ABHD17C: variants seen among roughly 807,000 people sequenced by gnomAD.
ABHD17C encodes the protein abhydrolase domain containing 17C, depalmitoylase.
A neutral mutation model predicts 27.9 loss-of-function variants in ABHD17C; 11 were observed. The ratio of observed to expected loss-of-function variants is 0.39; its 90% CI spans 0.25 to 0.65. The LOEUF is 0.65. Among genes scored for constraint, ABHD17C ranks in the 30% least tolerant of loss-of-function variants. The pLI is 0.45. For synonymous variants in ABHD17C, 233 were observed against 209.1 expected (o/e 1.11, Z -0.98); for missense variants, 280 against 470.2 (o/e 0.60, Z 3.74).
chr15:80,708,904 C>T (rs920423639), intron 1 of ABHD17C, among the ~76,000 whole-genome samples: 6 of 152,140 alleles, frequency 3.9e-5, no homozygotes, highest in African/African-American at 1.4e-4. Flanking sequence ...TTTAAACCCG[C>T]AGGCCTGCAA....
intron 1 of ABHD17C, among the ~76,000 whole-genome samples, chr15:80,716,134 A>C (rs1894800838): frequency 1.3e-5 from 2 of 152,182 alleles, no homozygotes; most frequent in South Asian, 4.1e-4. Flanking sequence ...GTGTTTATGG[A>C]GTCTGCAACA....
rs556134506 is a variant in ABHD17C at position 80,752,909 on chromosome 15, A to G, written c.771-1242A>G. ...AGCATATTGTTTTAAAGATCCTCAAATATTCATCCTTTGAGAGTAGATTTG... is the reference window on the plus strand; with the variant it reads ...AGCATATTGTTTTAAAGATCCTCAAGTATTCATCCTTTGAGAGTAGATTTG... On this transcript the variant is annotated intron_variant, in intron 2 of 2. Coordinates refer to ENST00000258884, the MANE Select transcript of ABHD17C (RefSeq NM_021214.2). Among the ~76,000 whole-genome samples the G allele has an allele frequency of 5.3e-5, 8 of 152,352 alleles. No homozygotes were observed. In the South Asian group the frequency reaches 1.7e-3, roughly 32 times the overall value.
intron 1 of ABHD17C, 122 bp from the exon 2 acceptor site, chr15:80,749,391 A>T (rs958377642): frequency 2.1e-6 from 2 of 975,084 alleles, no homozygotes; most frequent in African/African-American, 3.3e-5. Flanking sequence ...TGTACAAGTT[A>T]GATGATATGG....
At position 80,695,669 on chromosome 15, in the gene ABHD17C, G is replaced by A; in HGVS notation, c.240G>A (p.Ala80=). The A allele has an allele frequency of 1.4e-6, 2 of 1,437,380 alleles. No individual in the cohort carries two copies. Among genetic ancestry groups the A allele is most frequent in the East Asian group, 3.0e-5 (1 of 33,540 alleles). 89.0% of individuals were successfully genotyped at this position (1,437,380 alleles called of 1,614,324 possible). A position where few individuals can be genotyped will look rare whatever the true frequency, so the allele number is the denominator to read the frequency against. Residue 80 remains alanine, a synonymous_variant, in exon 1 of 3, where the codon GCG becomes GCA. Coordinates refer to ENST00000258884, the MANE Select transcript of ABHD17C (RefSeq NM_021214.2). This position sits in a 1 kb window ranked among gnomAD's most constrained non-coding sequence, Gnocchi z 4.3. ...CACCGCAGCAGCCCGAGGAGGGCGC[G>A]GGCGCGGGGCCCGGTGCGTGCAGCC... ...QPAPQQPEEG[A]GAGPGACSLH...
rs550462180 is a variant in ABHD17C at position 80,732,816 on chromosome 15, G to T, written c.591-16697G>T. On this transcript the variant is annotated intron_variant, in intron 1 of 2. Coordinates refer to ENST00000258884, the MANE Select transcript of ABHD17C (RefSeq NM_021214.2). ...TTTAAGGGAGTAAACAGCAAGAGTG[G>T]GCAGTGCTGAGCCAGAGCTGATGGA... Among the ~76,000 whole-genome samples, 7 of 152,288 alleles carry T rather than the reference G, an allele frequency of 4.6e-5. No homozygotes were observed. In the East Asian group the frequency reaches 1.4e-3, roughly 29 times the overall value.
At chr15:80,709,221 G>A (rs1894695108) in intron 1 of ABHD17C, among the ~76,000 whole-genome samples, 1 of 151,606 alleles carries the variant, frequency 6.6e-6, no homozygotes, top group African/African-American at 2.4e-5. Flanking sequence ...TGGCGTAGTG[G>A]CTCACGCCTA....
intron 2 of ABHD17C, among the ~76,000 whole-genome samples, chr15:80,752,979 T>G (rs982789850): frequency 2.6e-5 from 4 of 152,188 alleles, no homozygotes; most frequent in Non-Finnish European, 5.9e-5. Context: ...GGCATTACAT[T>G]AAGTTTTCAA....
At chr15:80,699,492 A>G (rs1209612507) in intron 1 of ABHD17C, among the ~76,000 whole-genome samples, 1 of 151,768 alleles carries the variant, frequency 6.6e-6, no homozygotes, top group Non-Finnish European at 1.5e-5. Flanking sequence ...TGTTCTTGTG[A>G]CACTGAAATG....
At chr15:80,696,379 A>G (rs1894495649) in intron 1 of ABHD17C, among the ~76,000 whole-genome samples, 1 of 152,186 alleles carries the variant, frequency 6.6e-6, no homozygotes, top group African/African-American at 2.4e-5. Flanking sequence ...ACTTGGTTCG[A>G]GTTTCGTTTG....
intron 1 of ABHD17C, among the ~76,000 whole-genome samples, chr15:80,748,297 C>T (rs183559481): frequency 6.6e-6 from 1 of 152,292 alleles, no homozygotes; most frequent in Admixed American, 6.5e-5. Flanking sequence ...AGCTGCAATA[C>T]GTATTTATTC....
chr15:80,699,364 G>A (rs574605041), intron 1 of ABHD17C, among the ~76,000 whole-genome samples: 13 of 152,032 alleles, frequency 8.6e-5, no homozygotes, highest in South Asian at 6.2e-4. Flanking sequence ...ACTCTTACAA[G>A]TACTTGGATC....
At position 80,736,895 on chromosome 15, in the gene ABHD17C, A is replaced by G. The variant is rs138425735; in HGVS notation, c.591-12618A>G. On this transcript the variant is annotated intron_variant, in intron 1 of 2. Transcript: ENST00000258884. Reference sequence around the variant, plus strand: ...AAAACAAACAGATTTTAACTTTATAAGTGATCGTTCCCATGAGACACCATC... The same window carrying G: ...AAAACAAACAGATTTTAACTTTATAGGTGATCGTTCCCATGAGACACCATC... Among the ~76,000 whole-genome samples the G allele has an allele frequency of 5.0e-3, 767 of 152,332 alleles. 2 individuals are homozygous for G. Among genetic ancestry groups the G allele is most frequent in the Non-Finnish European group, 8.4e-3 (571 of 68,032 alleles).
chr15:80,754,438 C>G lies in ABHD17C; in HGVS notation c.*68C>G. On this transcript the variant is annotated 3_prime_UTR_variant, in exon 3 of 3. Coordinates refer to ENST00000258884, the MANE Select transcript of ABHD17C (RefSeq NM_021214.2). The stretch of plus-strand genomic sequence containing the variant: ...GTCCTCTGTTTTGCACATGCTTTAA[C>G]TGGGTAGCTGTAAAGGCTTGATAAC... 1 of 1,353,026 alleles carries G rather than the reference C, an allele frequency of 7.4e-7. No individual in the cohort carries two copies. Among genetic ancestry groups the G allele is most frequent in the South Asian group, 1.3e-5 (1 of 74,498 alleles). 83.8% of individuals were successfully genotyped at this position (1,353,026 alleles called of 1,614,324 possible).
intron 1 of ABHD17C, among the ~76,000 whole-genome samples, chr15:80,710,312 G>A (rs1894711970): frequency 1.3e-5 from 2 of 152,182 alleles, no homozygotes; most frequent in Admixed American, 1.3e-4. Context: ...AGTAACTGGG[G>A]AGGGGTGAGG....
intron 1 of ABHD17C, among the ~76,000 whole-genome samples, chr15:80,726,978 A>G (rs570245453): frequency 1.6e-4 from 25 of 152,164 alleles, no homozygotes; most frequent in Non-Finnish European, 3.1e-4. Flanking sequence ...GTGTGTCTGT[A>G]GCTGCCTAGT....
intron 1 of ABHD17C, among the ~76,000 whole-genome samples, chr15:80,739,088 A>G (rs1413700441): frequency 1.3e-5 from 2 of 152,254 alleles, no homozygotes; most frequent in African/African-American, 4.8e-5. Context: ...AGCAGGGTAG[A>G]TCTAGCTAAT....
At chr15:80,721,961 G>A (rs1894903143) in intron 1 of ABHD17C, among the ~76,000 whole-genome samples, 1 of 152,102 alleles carries the variant, frequency 6.6e-6, no homozygotes, top group Non-Finnish European at 1.5e-5. Flanking sequence ...GAAGGGAGTT[G>A]GATTTGTATA....
At chr15:80,697,652 T>G (rs957176295) in intron 1 of ABHD17C, among the ~76,000 whole-genome samples, 1 of 152,062 alleles carries the variant, frequency 6.6e-6, no homozygotes, top group African/African-American at 2.4e-5. Flanking sequence ...CATATTTAGT[T>G]GAATTAAGGG....
At chr15:80,744,133 A>G (rs1348628743) in intron 1 of ABHD17C, among the ~76,000 whole-genome samples, 1 of 143,682 alleles carries the variant, frequency 7.0e-6, no homozygotes, top group Non-Finnish European at 1.5e-5. Context: ...ATGTAATTTA[A>G]TCTGAGAACT....
Sources: allele counts gnomAD v4.1 joint callset (sites outside exome capture counted in the v4.1 genomes callset), GRCh38; gene constraint gnomAD v4.1.1; non-coding constraint Gnocchi (gnomAD v3.1); transcripts MANE v1.5; gene names NCBI Gene and HGNC (gene_info 2026-07-23, HGNC 2026-07-21).